The following CNTNAP2 variants were observed in gnomAD, a reference collection of about 807,000 sequenced individuals.
CNTNAP2 encodes the protein contactin associated protein 2.
In CNTNAP2, 98 loss-of-function variants were observed where a neutral mutation model predicts 155.2. The observed-to-expected ratio is 0.63, with a 90% CI of 0.54 to 0.75. CNTNAP2 has a LOEUF of 0.75. Ranked by LOEUF, CNTNAP2 falls within the 30% of genes least tolerant of loss-of-function variation. The probability of loss-of-function intolerance (pLI) is 0.00; values close to 1 mark genes in which losing one functional copy is unlikely to be tolerated. For synonymous variants in CNTNAP2, 651 were observed against 631.2 expected, an observed-to-expected ratio of 1.03 and a Z score of -0.47; for missense variants, 1,727 against 1,688.1, an observed-to-expected ratio of 1.02 and a Z score of -0.40.
At chr7:146,212,665 A>G (rs1799054219) in intron 1 of CNTNAP2, among the ~76,000 whole-genome samples, 1 of 152,174 alleles carries the variant, frequency 6.6e-6, no homozygotes, top group Non-Finnish European at 1.5e-5. Flanking sequence ...TTAAGTTTGA[A>G]TGATGAGAAG....
intron 4 of CNTNAP2, among the ~76,000 whole-genome samples, chr7:147,059,473 A>G (rs1471700014): frequency 6.7e-6 from 1 of 148,600 alleles, no homozygotes; most frequent in African/African-American, 2.5e-5. Context: ...GATACTCTTG[A>G]CTGTGATCTT....
intron 8 of CNTNAP2, among the ~76,000 whole-genome samples, chr7:147,235,069 G>C (rs531757909): frequency 2.7e-3 from 407 of 152,228 alleles, no homozygotes; most frequent in African/African-American, 9.2e-3. Context: ...AAGCAGAAGG[G>C]GCTCCCCATT....
chr7:147,665,850 T>C (rs115762192), intron 13 of CNTNAP2, among the ~76,000 whole-genome samples: 1,696 of 152,290 alleles, frequency 0.011, 33 homozygotes, highest in African/African-American at 0.037. Context: ...ATGTACCACA[T>C]TTTCCTTAGT....
intron 11 of CNTNAP2, among the ~76,000 whole-genome samples, chr7:147,547,264 C>G (rs756246631): frequency 4.2e-4 from 64 of 152,250 alleles, no homozygotes; most frequent in Middle Eastern, 3.4e-3. Flanking sequence ...TTATCCTTTC[C>G]TTCAACTCAT....
intron 15 of CNTNAP2, among the ~76,000 whole-genome samples, chr7:148,109,370 T>G (rs183995574): frequency 0.011 from 1,553 of 145,618 alleles, 18 homozygotes; most frequent in South Asian, 0.045. Flanking sequence ...TTTGTTTTGT[T>G]TTGTTTTGTT....
chr7:147,951,836 A>G (rs1021063400), intron 14 of CNTNAP2, among the ~76,000 whole-genome samples: 2 of 152,068 alleles, frequency 1.3e-5, no homozygotes, highest in African/African-American at 2.4e-5. Flanking sequence ...CTTAAAACCT[A>G]GATGATGGGT....
At chr7:146,199,651 T>G (rs1798828302) in intron 1 of CNTNAP2, among the ~76,000 whole-genome samples, 2 of 152,182 alleles carry the variant, frequency 1.3e-5, no homozygotes, top group Admixed American at 1.3e-4. Context: ...GCCATAAAAA[T>G]AAATGTTCCA....
At chr7:147,105,856 A>C (rs1481176137) in intron 4 of CNTNAP2, among the ~76,000 whole-genome samples, 1 of 152,010 alleles carries the variant, frequency 6.6e-6, no homozygotes, top group African/African-American at 2.4e-5. Flanking sequence ...GACCCTGACA[A>C]CTTACCATTT....
chr7:146,241,507 A>T (rs891115324), intron 1 of CNTNAP2, among the ~76,000 whole-genome samples: 1 of 152,348 alleles, frequency 6.6e-6, no homozygotes, highest in African/African-American at 2.4e-5. Flanking sequence ...CCATCAAATT[A>T]TCTTGAAAAT....
intron 1 of CNTNAP2, among the ~76,000 whole-genome samples, chr7:146,264,923 T>C (rs1799971188): frequency 6.6e-6 from 1 of 152,208 alleles, no homozygotes; most frequent in South Asian, 2.1e-4. Flanking sequence ...AGGTTTGCCA[T>C]TCATTAGTTT....
At chr7:148,253,540 C>T (rs1478162679) in intron 20 of CNTNAP2, among the ~76,000 whole-genome samples, 1 of 152,218 alleles carries the variant, frequency 6.6e-6, no homozygotes, top group African/African-American at 2.4e-5. Context: ...CAGCTGGACT[C>T]CAGTCCCAGT....
chr7:147,300,160 A>C lies in CNTNAP2; in HGVS notation c.1368A>C (p.Gly456=). 6.2e-7 allele frequency: 1 copy of C among 1,614,030 alleles called. No homozygotes were observed. Among genetic ancestry groups the C allele is most frequent in the Non-Finnish European group, 8.5e-7 (1 of 1,179,928 alleles). Residue 456 remains glycine, a synonymous_variant, in exon 9 of 24, where the codon GGA becomes GGC. Coordinates refer to ENST00000361727, the MANE Select transcript of CNTNAP2 (RefSeq NM_014141.6). ...DISSGSGLND[G]QWHEVRFLAK... The stretch of plus-strand genomic sequence containing the variant: ...TACCAGGTTCTGGGTTGAATGATGG[A>C]CAGTGGCACGAGGTTCGCTTCCTAG...
intron 8 of CNTNAP2, among the ~76,000 whole-genome samples, chr7:147,190,733 C>T (rs928621450): frequency 2.0e-5 from 3 of 152,170 alleles, no homozygotes; most frequent in African/African-American, 7.2e-5. Flanking sequence ...AGTTAGTTTG[C>T]AGCATTCAGT....
intron 1 of CNTNAP2, among the ~76,000 whole-genome samples, chr7:146,565,946 C>T (rs1310700009): frequency 5.3e-5 from 8 of 152,244 alleles, no homozygotes. Context: ...TTTCAGTCTT[C>T]CTCATCAAAA....
rs1000613503 is a variant in CNTNAP2 at position 146,724,561 on chromosome 7, CTTTTTTTTTTTT to C, written c.98-49693_98-49682del. Among the ~76,000 whole-genome samples the C allele has an allele frequency of 3.9e-3, 256 of 65,610 alleles. 1 individual carries two copies. The highest frequency in any genetic ancestry group is 8.0e-3 in the East Asian group (15 of 1,884). 43.0% of individuals were successfully genotyped at this position (65,610 alleles called of 152,430 possible). Reference sequence around the variant, plus strand: ...TTAGAAGCATGCTGTTAAATCTAAACTTTTTTTTTTTTTTTTTTTTTTTTTTTTGAGACAGAG... The same window carrying C: ...TTAGAAGCATGCTGTTAAATCTAAACTTTTTTTTTTTTTTTTGAGACAGAG... On this transcript the variant is annotated intron_variant, in intron 1 of 23. Transcript: ENST00000361727.
chr7:146,353,272 A>G (rs991443220), intron 1 of CNTNAP2, among the ~76,000 whole-genome samples: 1 of 152,170 alleles, frequency 6.6e-6, no homozygotes, highest in Non-Finnish European at 1.5e-5. Context: ...TTGACTCAAC[A>G]GTAGTACTTG....
intron 15 of CNTNAP2, among the ~76,000 whole-genome samples, chr7:147,987,386 A>G (rs1001656831): frequency 2.0e-5 from 3 of 152,180 alleles, no homozygotes; most frequent in African/African-American, 7.2e-5. Context: ...CTGTTTTACA[A>G]TTGACATGAT....
Position 147,385,164 on chromosome 7 carries a change from A to G in CNTNAP2, c.1499-10445A>G, listed in dbSNP as rs190770663. On this transcript the variant is annotated intron_variant, in intron 9 of 23. Transcript: ENST00000361727. ...AGGAAAGACCCATGCCCAAGATTCA[A>G]TTACCTCCCACCAGATTCCTTCCCT... Among the ~76,000 whole-genome samples, 149 of 152,312 alleles carry G rather than the reference A, an allele frequency of 9.8e-4. 1 individual carries two copies. Among genetic ancestry groups the G allele is most frequent in the Admixed American group, 2.9e-3 (45 of 15,300 alleles).
intron 10 of CNTNAP2, among the ~76,000 whole-genome samples, chr7:147,409,339 G>A (rs1584931988): frequency 1.3e-5 from 2 of 152,336 alleles, no homozygotes; most frequent in African/African-American, 4.8e-5. Flanking sequence ...GGGATAACTG[G>A]CTAGCCATAT....
Sources: allele counts gnomAD v4.1 joint callset (sites outside exome capture counted in the v4.1 genomes callset), GRCh38; gene constraint gnomAD v4.1.1; transcripts MANE v1.5; gene names NCBI Gene and HGNC (gene_info 2026-07-23, HGNC 2026-07-21).